ASB3: variants seen among roughly 807,000 people sequenced by gnomAD.
The protein encoded by ASB3 is ankyrin repeat and SOCS box containing 3, also known as ankyrin repeat and SOCS box protein 3.
ASB3 carries 41 observed loss-of-function variants against 54.5 expected under a neutral mutation model. The ratio of observed to expected loss-of-function variants is 0.75; its 90% CI spans 0.59 to 0.98. The LOEUF (loss-of-function observed/expected upper bound fraction) is 0.98. Among genes scored for constraint, ASB3 ranks in the 50% least tolerant of loss-of-function variants. The pLI, the probability that ASB3 is intolerant of heterozygous loss-of-function variation, is 0.00. For synonymous variants in ASB3, 266 were observed against 221.2 expected (o/e 1.20, Z -1.80); for missense variants, 733 against 620.0 (o/e 1.18, Z -1.94).
At chr2:53,672,663 C>G (rs565419653) in intron 9 of ASB3, among the ~76,000 whole-genome samples, 1 of 152,286 alleles carries the variant, frequency 6.6e-6, no homozygotes, top group South Asian at 2.1e-4. Flanking sequence ...ATCTAGAATG[C>G]AACATCTATG....
At chr2:53,783,914 T>G (rs984066622) in intron 1 of ASB3, among the ~76,000 whole-genome samples, 2 of 152,172 alleles carry the variant, frequency 1.3e-5, no homozygotes, top group Non-Finnish European at 2.9e-5. Flanking sequence ...CATAAAGCAG[T>G]AGACCTAACC....
chr2:53,779,106 G>A (rs1674511627), intron 1 of ASB3, among the ~76,000 whole-genome samples: 1 of 152,028 alleles, frequency 6.6e-6, no homozygotes, highest in South Asian at 2.1e-4. Flanking sequence ...ATCTCATAGT[G>A]GTTTTAATTT....
chr2:53,736,010 A>G (rs1486381160), intron 3 of ASB3, among the ~76,000 whole-genome samples: 1 of 151,964 alleles, frequency 6.6e-6, no homozygotes, highest in Non-Finnish European at 1.5e-5. Flanking sequence ...AAAAAAAAAA[A>G]AAAAGAAAGG....
At chr2:53,678,087 A>G (rs888472654) in intron 9 of ASB3, among the ~76,000 whole-genome samples, 1 of 152,218 alleles carries the variant, frequency 6.6e-6, no homozygotes, top group East Asian at 1.9e-4. Context: ...TGAAGTGATT[A>G]CTACAGTCAA....
intron 1 of ASB3, among the ~76,000 whole-genome samples, chr2:53,766,065 G>A (rs1015566401): frequency 1.3e-5 from 2 of 152,138 alleles, no homozygotes; most frequent in African/African-American, 2.4e-5. Flanking sequence ...TAAACCCAAA[G>A]AGGCCAGAAA....
At chr2:53,762,428 T>C (rs897010968) in intron 2 of ASB3, among the ~76,000 whole-genome samples, 1 of 152,244 alleles carries the variant, frequency 6.6e-6, no homozygotes, top group African/African-American at 2.4e-5. Flanking sequence ...CATCTGACCG[T>C]AACTCTTAAT....
rs1411908397 is a variant in ASB3 at position 53,670,396 on chromosome 2, A to G, written c.*107T>C. On this transcript the variant is annotated 3_prime_UTR_variant, in exon 10 of 10. Coordinates refer to ENST00000263634, the MANE Select transcript of ASB3 (RefSeq NM_016115.5). ...CAAAACCTAACCTATCTCACAATCA[A>G]TAATCATCTTTTGACTATAAAATCA... 7.6e-7 allele frequency: 1 copy of G among 1,319,624 alleles called. No individual in the cohort carries two copies. The highest frequency in any genetic ancestry group is 1.0e-6 in the Non-Finnish European group (1 of 987,262). The allele number at this position is 1,319,624 out of a possible 1,614,324, so 81.7% of individuals were successfully genotyped here.
At chr2:53,708,528 C>T (rs922790952) in intron 7 of ASB3, among the ~76,000 whole-genome samples, 4 of 152,126 alleles carry the variant, frequency 2.6e-5, no homozygotes, top group African/African-American at 9.7e-5. Context: ...GTGGAAGCAA[C>T]TTGGGAACTT....
At chr2:53,694,357 T>C (rs1669075003) in intron 8 of ASB3, 2 of 188,554 alleles carry the variant, frequency 1.1e-5, no homozygotes, top group Non-Finnish European at 2.2e-5. Flanking sequence ...CAAATGTAAA[T>C]TGACCATCCT....
chr2:53,696,322 G>A (rs901453914), intron 8 of ASB3, among the ~76,000 whole-genome samples: 13 of 151,928 alleles, frequency 8.6e-5, no homozygotes, highest in Admixed American at 3.9e-4. Flanking sequence ...TCACATATCC[G>A]ATAAATACAG....
Position 53,723,615 on chromosome 2 carries a change from C to T in ASB3, c.604+5097G>A, listed in dbSNP as rs543727876. Among the ~76,000 whole-genome samples the T allele has an allele frequency of 2.8e-3, 420 of 152,156 alleles. 2 individuals carry two copies. Among genetic ancestry groups the T allele is most frequent in the African/African-American group, 9.7e-3 (401 of 41,518 alleles). On this transcript the variant is annotated intron_variant, in intron 5 of 9. Transcript: ENST00000263634. ...ATTCATATGGAACCAAAAAAGGGCA[C>T]AAATAGCCAAAGCAATACCAAGCAA...
At chr2:53,785,000 C>G (rs887820383) in intron 1 of ASB3, among the ~76,000 whole-genome samples, 3 of 152,226 alleles carry the variant, frequency 2.0e-5, no homozygotes, top group Admixed American at 6.5e-5. Context: ...TCTCAAACTT[C>G]TTCTACCACT....
intron 5 of ASB3, among the ~76,000 whole-genome samples, chr2:53,727,916 G>C (rs970976410): frequency 1.3e-5 from 2 of 152,010 alleles, no homozygotes; most frequent in Admixed American, 1.3e-4. Context: ...AGTAGAGATG[G>C]GGTTTCGCCA....
At chr2:53,767,611 G>GA in intron 1 of ASB3, 1 of 426,548 alleles carries the variant, frequency 2.3e-6, no homozygotes, top group South Asian at 2.8e-5. Context: ...ACTAAAGGTA[G>GA]GTTAGGGTGA....
At chr2:53,764,347 T>C (rs1673316343) in intron 2 of ASB3, among the ~76,000 whole-genome samples, 1 of 152,202 alleles carries the variant, frequency 6.6e-6, no homozygotes, top group African/African-American at 2.4e-5. Context: ...AAAAGGGCTT[T>C]AGAGTCAGAG....
intron 9 of ASB3, among the ~76,000 whole-genome samples, chr2:53,674,559 A>G (rs1667980668): frequency 6.6e-6 from 1 of 152,110 alleles, no homozygotes; most frequent in Admixed American, 6.6e-5. Context: ...ACAAAACTAT[A>G]TCTATATCAT....
chr2:53,683,193 C>T (rs1035544156), intron 9 of ASB3, among the ~76,000 whole-genome samples: 12 of 152,204 alleles, frequency 7.9e-5, no homozygotes, highest in African/African-American at 2.6e-4. Flanking sequence ...GAATTTTATC[C>T]GATATTTTTT....
chr2:53,698,917 C>CT (rs1232761196), intron 8 of ASB3, among the ~76,000 whole-genome samples: 1 of 152,230 alleles, frequency 6.6e-6, no homozygotes, highest in East Asian at 1.9e-4. Flanking sequence ...AGTTCGAAAG[C>CT]TACTTCTATA....
chr2:53,710,285 T>C (rs1344208740), intron 7 of ASB3, among the ~76,000 whole-genome samples: 2 of 152,242 alleles, frequency 1.3e-5, no homozygotes, highest in African/African-American at 4.8e-5. Context: ...TCCTATATCT[T>C]TCATTTGGCT....
Sources: gnomAD v4.1 joint callset for allele counts (sites outside exome capture counted in the v4.1 genomes callset) on GRCh38, gnomAD v4.1.1 for gene constraint, MANE v1.5 for transcripts, NCBI Gene and HGNC (gene_info 2026-07-23, HGNC 2026-07-21) for gene names.